DENND4C: variants seen among roughly 807,000 people sequenced by gnomAD.
The protein encoded by DENND4C is DENN domain-containing protein 4C.
Under a neutral mutation model 203.0 loss-of-function variants are expected in DENND4C, and 108 were observed. That is an observed-to-expected ratio of 0.53 (90% CI 0.46 to 0.62). DENND4C has a LOEUF of 0.62. Among genes scored for constraint, DENND4C ranks in the 20% least tolerant of loss-of-function variants. The pLI is 0.00. For missense variants in DENND4C, 2,481 were observed against 2,301.2 expected (o/e 1.08, Z -1.60); for synonymous variants, 871 against 792.4 (o/e 1.10, Z -1.67).
intron 5 of DENND4C, among the ~76,000 whole-genome samples, chr9:19,295,555 A>G (rs1358916404): frequency 1.3e-5 from 2 of 151,856 alleles, no homozygotes; most frequent in East Asian, 3.9e-4. Flanking sequence ...CATGCCTGTA[A>G]TGCCAGCTAC....
chr9:19,290,804 C>G lies in DENND4C; in HGVS notation c.729C>G (p.Cys243Trp). 6.2e-7 allele frequency: 1 copy of G among 1,613,428 alleles called. No individual in the cohort carries two copies. The highest frequency in any genetic ancestry group is 8.5e-7 in the Non-Finnish European group (1 of 1,179,654). Residue 243 changes from cysteine (C) to tryptophan (W), a missense_variant, in exon 5 of 33, where the codon TGC becomes TGG. By Grantham distance (215) the Cys-to-Trp change is radical (BLOSUM62 -2). Transcript: ENST00000434457. ...FCLPMGATIE[C>W]WDPETKYPLP... is the part of the protein sequence containing the mutation. ...TTCCTATGGGAGCTACTATTGAGTG[C>G]TGGGATCCTGAAACCAAATATCCAC...
intron 20 of DENND4C, among the ~76,000 whole-genome samples, chr9:19,340,552 C>T (rs933018197): frequency 1.3e-5 from 2 of 152,072 alleles, no homozygotes; most frequent in Admixed American, 6.6e-5. Context: ...GAAGTTTTCT[C>T]CCTCTTTATT....
rs557782596 is a variant in DENND4C, at chr9:19,309,723, T to A, written c.1487+4196T>A. 2.2e-3 allele frequency among the ~76,000 whole-genome samples: 332 copies of A among 148,518 alleles called. 3 individuals carry two copies. Among genetic ancestry groups the A allele is most frequent in the South Asian group, 4.3e-3 (20 of 4,700 alleles). On this transcript the variant is annotated intron_variant, in intron 10 of 32. Coordinates refer to ENST00000434457, the MANE Select transcript of DENND4C (RefSeq NM_001330640.2). ...AATTACATTGGGATTTTTGTTAGAA[T>A]TTTTTTTTTTACCTTTTAAATTTTT... is the stretch of plus-strand genomic sequence containing the variant.
chr9:19,345,470 G>T (rs2772406), intron 22 of DENND4C, among the ~76,000 whole-genome samples: 11,511 of 152,186 alleles, frequency 0.076, 616 homozygotes, highest in Middle Eastern at 0.23. Flanking sequence ...TTCCATTCCG[G>T]ATTATTTTAC....
chr9:19,347,641 C>T (rs549612913), intron 23 of DENND4C, among the ~76,000 whole-genome samples: 1 of 152,080 alleles, frequency 6.6e-6, no homozygotes, highest in South Asian at 2.1e-4. Flanking sequence ...TAACTTGAAC[C>T]GTATATGTAA....
At chr9:19,330,318 T>G (rs1486483696) in intron 16 of DENND4C, among the ~76,000 whole-genome samples, 1 of 147,212 alleles carries the variant, frequency 6.8e-6, no homozygotes, top group African/African-American at 2.5e-5. Flanking sequence ...AAAGTAAAAT[T>G]AATATACCAA....
chr9:19,259,664 C>A (rs1471862765), intron 1 of DENND4C, among the ~76,000 whole-genome samples: 1 of 151,972 alleles, frequency 6.6e-6, no homozygotes, highest in Non-Finnish European at 1.5e-5. Flanking sequence ...TCCCACCACT[C>A]CTGGCTAATT....
intron 1 of DENND4C, among the ~76,000 whole-genome samples, chr9:19,238,493 T>TG (rs1822684161): frequency 1.3e-4 from 1 of 7,970 alleles, no homozygotes; most frequent in Non-Finnish European, 2.1e-4. Context: ...CCCCTTCTCC[T>TG]CCCCTCCCCT....
chr9:19,246,392 A>G (rs914113040), intron 1 of DENND4C, among the ~76,000 whole-genome samples: 2 of 152,124 alleles, frequency 1.3e-5, no homozygotes, highest in South Asian at 4.1e-4. Flanking sequence ...TAAGAAGACT[A>G]TGTAATCTCT....
intron 23 of DENND4C, 107 bp from the exon 24 acceptor site, chr9:19,350,595 A>T: frequency 1.1e-6 from 1 of 900,934 alleles, no homozygotes; most frequent in Non-Finnish European, 1.6e-6. Flanking sequence ...GGGGATGATG[A>T]TTTGTTTAAG....
At chr9:19,332,552 A>T (rs186006701) in intron 17 of DENND4C, among the ~76,000 whole-genome samples, 2 of 140,830 alleles carry the variant, frequency 1.4e-5, no homozygotes, top group African/African-American at 5.3e-5. Flanking sequence ...TTTAATAGAG[A>T]TGGGGTCTCA....
intron 10 of DENND4C, among the ~76,000 whole-genome samples, chr9:19,309,317 G>T (rs902233364): frequency 2.0e-5 from 3 of 151,886 alleles, no homozygotes; most frequent in Non-Finnish European, 2.9e-5. Context: ...AGCTATCCGG[G>T]AGGCTGAGGC....
chr9:19,232,234 C>G (rs974316742), intron 1 of DENND4C, among the ~76,000 whole-genome samples: 2 of 152,036 alleles, frequency 1.3e-5, no homozygotes, highest in Non-Finnish European at 2.9e-5. Context: ...TGAACATGAT[C>G]TGCCTGTCAT....
chr9:19,364,960 AG>A (rs1412562330), intron 30 of DENND4C, among the ~76,000 whole-genome samples: 1 of 152,196 alleles, frequency 6.6e-6, no homozygotes, highest in East Asian at 1.9e-4. Context: ...ATAAGAATAG[AG>A]AGCTCTGAAA....
At chr9:19,255,037 G>T (rs1013529670) in intron 1 of DENND4C, among the ~76,000 whole-genome samples, 1 of 151,972 alleles carries the variant, frequency 6.6e-6, no homozygotes, top group African/African-American at 2.4e-5. Flanking sequence ...CCAGCGACTC[G>T]GGAGACTGAG....
intron 6 of DENND4C, among the ~76,000 whole-genome samples, chr9:19,297,590 C>T (rs958787781): frequency 6.6e-6 from 1 of 151,892 alleles, no homozygotes; most frequent in African/African-American, 2.4e-5. Context: ...TTTTATGGCT[C>T]CTAAGAGCTC....
At chr9:19,361,608 C>G (rs1826510634) in intron 29 of DENND4C, among the ~76,000 whole-genome samples, 1 of 152,182 alleles carries the variant, frequency 6.6e-6, no homozygotes, top group Non-Finnish European at 1.5e-5. Context: ...CTTTCTACAA[C>G]CATCATGCCA....
At position 19,346,805 on chromosome 9, in the gene DENND4C, T is replaced by A. The variant is rs1823000834; in HGVS notation, c.4036T>A (p.Ser1346Thr). The A allele has an allele frequency of 1.2e-6, 2 of 1,614,162 alleles. No individual in the cohort carries two copies. The highest frequency in any genetic ancestry group is 1.7e-5 in the Admixed American group (1 of 60,024). ...GGAAAATCCTGAAAGTGAAAAGAGC[T>A]CACCTGCAGTGTCCAGGTCTAAAAC... Reference protein sequence around the residue: ...AQENPESEKSSPAVSRSKTFT... With the variant: ...AQENPESEKSTPAVSRSKTFT... The change falls in exon 23 of 33, where the codon TCA becomes ACA. Residue 1346 changes from serine to threonine, a missense_variant. Ser to Thr is a moderately conservative substitution (Grantham distance 58, BLOSUM62 1). Coordinates refer to ENST00000434457, the MANE Select transcript of DENND4C (RefSeq NM_001330640.2).
chr9:19,241,964 G>A (rs996089210), intron 1 of DENND4C, among the ~76,000 whole-genome samples: 8 of 152,076 alleles, frequency 5.3e-5, no homozygotes, highest in African/African-American at 1.9e-4. Context: ...TCTGAGATGG[G>A]CGGATTGCTT....
Sources: allele counts gnomAD v4.1 joint callset (sites outside exome capture counted in the v4.1 genomes callset), GRCh38; gene constraint gnomAD v4.1.1; transcripts MANE v1.5; gene names NCBI Gene and HGNC (gene_info 2026-07-23, HGNC 2026-07-21).